Variants in PATJ observed in about 807,000 individuals in gnomAD.
The protein encoded by PATJ is PATJ crumbs cell polarity complex component.
A neutral mutation model predicts 224.9 loss-of-function variants in PATJ; 190 were observed. The observed-to-expected ratio is 0.84, with a 90% CI of 0.75 to 0.95. The LOEUF (loss-of-function observed/expected upper bound fraction) is 0.95. Ranked by LOEUF, PATJ falls within the 40% of genes least tolerant of loss-of-function variation. The pLI, the probability that PATJ is intolerant of heterozygous loss-of-function variation, is 0.00. For missense variants in PATJ, 2,121 were observed against 2,270.3 expected (o/e 0.93, Z 1.34); for synonymous variants, 769 against 820.3 (o/e 0.94, Z 1.07).
chr1:61,830,668 G>T (rs1227996635), intron 16 of PATJ, among the ~76,000 whole-genome samples: 1 of 151,830 alleles, frequency 6.6e-6, no homozygotes, highest in Non-Finnish European at 1.5e-5. Flanking sequence ...GCATAGTATT[G>T]GTACAAAAAT....
intron 28 of PATJ, among the ~76,000 whole-genome samples, chr1:62,003,307 C>CA (rs1002452608): frequency 1.3e-5 from 2 of 152,142 alleles, no homozygotes; most frequent in African/African-American, 2.4e-5. Flanking sequence ...CAGTATTTTT[C>CA]AAAAACATGT....
intron 27 of PATJ, among the ~76,000 whole-genome samples, chr1:61,981,578 T>C (rs1644450058): frequency 6.6e-6 from 1 of 151,730 alleles, no homozygotes. Flanking sequence ...TGTGTTTTTA[T>C]GGACAGTCCT....
chr1:61,985,046 C>T (rs1444487899), intron 27 of PATJ, among the ~76,000 whole-genome samples: 2 of 152,054 alleles, frequency 1.3e-5, no homozygotes, highest in Non-Finnish European at 2.9e-5. Context: ...GGCATGGTGG[C>T]TCACGCCTAA....
intron 14 of PATJ, among the ~76,000 whole-genome samples, chr1:61,809,681 C>G (rs1207599162): frequency 1.3e-5 from 2 of 151,982 alleles, no homozygotes; most frequent in Non-Finnish European, 2.9e-5. Context: ...GCCACAGCGC[C>G]AGGCTAAAAA....
intron 20 of PATJ, among the ~76,000 whole-genome samples, chr1:61,864,949 A>G (rs1411007357): frequency 1.3e-5 from 2 of 152,144 alleles, no homozygotes; most frequent in African/African-American, 4.8e-5. Context: ...TGATTTAAAA[A>G]AAAAAATTCC....
chr1:61,785,547 G>A (rs981265595), intron 7 of PATJ, among the ~76,000 whole-genome samples: 4 of 152,202 alleles, frequency 2.6e-5, no homozygotes, highest in African/African-American at 7.2e-5. Context: ...CCTTCTCTAA[G>A]TGAGATGGTA....
chr1:61,967,136 T>C (rs1367048049), intron 27 of PATJ, among the ~76,000 whole-genome samples: 1 of 152,172 alleles, frequency 6.6e-6, no homozygotes, highest in African/African-American at 2.4e-5. Context: ...CCTCTGACAA[T>C]AGAATTCTAT....
chr1:61,776,406 G>T (rs1227413886), intron 7 of PATJ, among the ~76,000 whole-genome samples: 1 of 152,110 alleles, frequency 6.6e-6, no homozygotes, highest in African/African-American at 2.4e-5. Context: ...AAAGGCAGTG[G>T]CCACAAACCG....
At chr1:62,013,297 T>C in intron 28 of PATJ, 1 of 963,552 alleles carries the variant, frequency 1.0e-6, no homozygotes, top group Non-Finnish European at 1.2e-6. Context: ...ATTTCCTACA[T>C]GCTCAAGCGT....
intron 22 of PATJ, among the ~76,000 whole-genome samples, chr1:61,897,578 C>T (rs1670558885): frequency 6.6e-6 from 1 of 152,126 alleles, no homozygotes; most frequent in Non-Finnish European, 1.5e-5. Flanking sequence ...GAATTCTAGG[C>T]AAGAAGAAGG....
At chr1:61,893,788 GA>G (rs1204553317) in intron 22 of PATJ, among the ~76,000 whole-genome samples, 2,424 of 127,476 alleles carry the variant, frequency 0.019, 67 homozygotes, top group African/African-American at 0.065. Flanking sequence ...CAAAACAAGA[GA>G]AAAAAAAAAA....
chr1:61,856,864 T>C (rs1380272358), intron 18 of PATJ, among the ~76,000 whole-genome samples: 1 of 152,156 alleles, frequency 6.6e-6, no homozygotes, highest in Non-Finnish European at 1.5e-5. Context: ...AAGTGCTTTT[T>C]TAGGGGTGTG....
Position 61,801,645 on chromosome 1 carries a change from A to G in PATJ, c.1425A>G (p.Lys475=). ...TAGGAACTGTTGTAGAACCACTGAA[A>G]CCACCAGCTCTCTTTCTAACTGGAG... ...SDRGTVVEPL[K]PPALFLTGAV... Residue 475 remains lysine, a synonymous_variant, in exon 12 of 44, where the codon AAA becomes AAG. Transcript: ENST00000642238. 2 of 1,587,514 alleles carry G rather than the reference A, an allele frequency of 1.3e-6. No individual in the cohort carries two copies. Among genetic ancestry groups the G allele is most frequent in the South Asian group, 1.2e-5 (1 of 86,516 alleles).
chr1:61,745,613 A>G (rs1434226133), intron 1 of PATJ, among the ~76,000 whole-genome samples: 2 of 148,916 alleles, frequency 1.3e-5, no homozygotes, highest in African/African-American at 5.0e-5. Flanking sequence ...TAATTAATTT[A>G]TTTATTTGGA....
chr1:62,098,676 G>A (rs1234781627), intron 33 of PATJ, among the ~76,000 whole-genome samples: 1 of 151,984 alleles, frequency 6.6e-6, no homozygotes, highest in Non-Finnish European at 1.5e-5. Flanking sequence ...GATCCAGTTG[G>A]TTACCTGCAG....
intron 27 of PATJ, among the ~76,000 whole-genome samples, chr1:61,960,175 C>T (rs1681068056): frequency 6.6e-6 from 1 of 152,042 alleles, no homozygotes; most frequent in Admixed American, 6.6e-5. Flanking sequence ...GCAATTTTAG[C>T]CCCAGATCAT....
chr1:61,756,791 G>A (rs562342182), intron 1 of PATJ, among the ~76,000 whole-genome samples: 2 of 152,004 alleles, frequency 1.3e-5, no homozygotes, highest in East Asian at 3.9e-4. Context: ...TATTGGCCAG[G>A]CTGGTCTTGA....
At chr1:61,834,229 G>A (rs906701743) in intron 17 of PATJ, among the ~76,000 whole-genome samples, 1 of 152,064 alleles carries the variant, frequency 6.6e-6, no homozygotes, top group African/African-American at 2.4e-5. Context: ...ATACACATTA[G>A]CATTCGTTCC....
chr1:61,992,741 G>A (rs1425107289), intron 28 of PATJ, among the ~76,000 whole-genome samples: 1 of 152,186 alleles, frequency 6.6e-6, no homozygotes, highest in Non-Finnish European at 1.5e-5. Flanking sequence ...TGTGGCTGCA[G>A]AGTAATGAGA....
Sources: allele counts gnomAD v4.1 joint callset (sites outside exome capture counted in the v4.1 genomes callset), GRCh38; gene constraint gnomAD v4.1.1; transcripts MANE v1.5; gene names NCBI Gene and HGNC (gene_info 2026-07-23, HGNC 2026-07-21).